The following ARHGAP6 variants were observed in gnomAD, a reference collection of about 807,000 sequenced individuals.
ARHGAP6 encodes the protein Rho GTPase activating protein 6, also known as rho GTPase-activating protein 6.
Under a neutral mutation model 55.7 loss-of-function variants are expected in ARHGAP6, and 16 were observed. The observed-to-expected ratio is 0.29, with a 90% CI of 0.19 to 0.44. ARHGAP6 has a LOEUF of 0.44. Among genes scored for constraint, ARHGAP6 ranks in the 20% least tolerant of loss-of-function variants. The pLI is 1.00. For synonymous variants in ARHGAP6, 382 were observed against 360.9 expected (o/e 1.06, Z -0.66); for missense variants, 698 against 808.9 (o/e 0.86, Z 1.66).
chrX:11,275,160 T>C (rs1263332492), intron 1 of ARHGAP6, among the ~76,000 whole-genome samples: 1 of 111,960 alleles, frequency 8.9e-6, no homozygotes, highest in East Asian at 2.8e-4. Flanking sequence ...TTTAACTATC[T>C]CTACATCTAT....
Position 11,288,917 on chromosome X carries a change from C to T in ARHGAP6, c.589-34210G>A, listed in dbSNP as rs962516363. ...ACTGAACCTCAGCAGGAAAGTTGAA[C>T]TTACTTTGGTATATTTTACCCAATA... is the stretch of plus-strand genomic sequence containing the variant. On this transcript the variant is annotated intron_variant, in intron 1 of 12. Coordinates refer to ENST00000337414, the MANE Select transcript of ARHGAP6 (RefSeq NM_013427.3). Among the ~76,000 whole-genome samples the T allele has an allele frequency of 4.5e-5, 5 of 112,237 alleles. 1 individual carries two copies. Among genetic ancestry groups the T allele is most frequent in the Non-Finnish European group, 9.4e-5 (5 of 53,255 alleles).
intron 2 of ARHGAP6, among the ~76,000 whole-genome samples, chrX:11,201,989 C>CTGTGTGTGTGTGTGTGTGTGTGTGTG (rs56023548): frequency 4.6e-5 from 3 of 65,543 alleles, no homozygotes; most frequent in African/African-American, 1.8e-4. Context: ...GCATCTGGAT[C>CTGTGTGTGTGTGTGTGTGTGTGTGTG]TGTGTGTGTG....
chrX:11,288,384 C>T (rs1015291663), intron 1 of ARHGAP6, among the ~76,000 whole-genome samples: 1 of 112,362 alleles, frequency 8.9e-6, no homozygotes, highest in African/African-American at 3.2e-5. Flanking sequence ...CACTATTGTT[C>T]TGTACCATTA....
intron 1 of ARHGAP6, among the ~76,000 whole-genome samples, chrX:11,359,077 T>C (rs972844161): frequency 8.9e-6 from 1 of 112,138 alleles, no homozygotes; most frequent in African/African-American, 3.2e-5. Context: ...AATAACTCTT[T>C]GTTATAATAT....
Position 11,174,645 on chromosome X carries a change from T to G in ARHGAP6, c.1629+3455A>C, listed in dbSNP as rs938454847. On this transcript the variant is annotated intron_variant, in intron 8 of 12. Coordinates refer to ENST00000337414, the MANE Select transcript of ARHGAP6 (RefSeq NM_013427.3). ...TTCTTTTCTTTCTTTCTTTCTTTCT[T>G]TCTTTCTTTCTTTCTTTCTTTCTTT... is the stretch of plus-strand genomic sequence containing the variant. 7.8e-4 allele frequency among the ~76,000 whole-genome samples: 65 copies of G among 83,667 alleles called. 1 individual carries two copies. Among genetic ancestry groups the G allele is most frequent in the African/African-American group, 3.0e-3 (61 of 20,432 alleles). 72.7% of individuals were successfully genotyped at this position (83,667 alleles called of 115,157 possible).
chrX:11,590,854 A>G (rs2051809093), intron 1 of ARHGAP6, among the ~76,000 whole-genome samples: 3 of 33,002 alleles, frequency 9.1e-5, no homozygotes, highest in African/African-American at 6.3e-4. Context: ...AAGAAAAGAA[A>G]AGAAAAGAAA....
At chrX:11,185,589 C>T (rs2046376944) in intron 5 of ARHGAP6, among the ~76,000 whole-genome samples, 2 of 111,904 alleles carry the variant, frequency 1.8e-5, no homozygotes, top group Admixed American at 9.5e-5. Context: ...AACACTATAG[C>T]ATACAAACTT....
intron 1 of ARHGAP6, among the ~76,000 whole-genome samples, chrX:11,424,997 C>T (rs1460304370): frequency 8.9e-6 from 1 of 112,319 alleles, no homozygotes; most frequent in Non-Finnish European, 1.9e-5. Flanking sequence ...AACATTTTCA[C>T]TATCTAACTG....
chrX:11,604,219 G>A (rs2052008537), intron 1 of ARHGAP6, among the ~76,000 whole-genome samples: 1 of 111,646 alleles, frequency 9.0e-6, no homozygotes, highest in Admixed American at 9.5e-5. Flanking sequence ...CCACTCTAGT[G>A]CACTGGAAAA....
chrX:11,446,469 C>T (rs907648544), intron 1 of ARHGAP6, among the ~76,000 whole-genome samples: 2 of 111,811 alleles, frequency 1.8e-5, no homozygotes, highest in Non-Finnish European at 3.8e-5. Flanking sequence ...GCTTTTCACT[C>T]CTTCTTTTGA....
At chrX:11,406,688 T>C (rs1248642523) in intron 1 of ARHGAP6, among the ~76,000 whole-genome samples, 7 of 111,665 alleles carry the variant, frequency 6.3e-5, no homozygotes, top group African/African-American at 2.3e-4. Context: ...GTAGGGGGTA[T>C]TGAAATATAC....
chrX:11,430,048 A>C (rs1168640263), intron 1 of ARHGAP6, among the ~76,000 whole-genome samples: 1 of 111,503 alleles, frequency 9.0e-6, no homozygotes, highest in Non-Finnish European at 1.9e-5. Context: ...CCTGAAGCTA[A>C]AAATCCCTTT....
At chrX:11,632,783 G>A (rs1445430797) in intron 1 of ARHGAP6, among the ~76,000 whole-genome samples, 2 of 112,376 alleles carry the variant, frequency 1.8e-5, no homozygotes, top group African/African-American at 6.5e-5. Context: ...AAAACATGCT[G>A]TAATGGGCAC....
chrX:11,453,198 ATATATACATAATATATATATATGC>A (rs2050160056), intron 1 of ARHGAP6, among the ~76,000 whole-genome samples: 1 of 101,145 alleles, frequency 9.9e-6, no homozygotes, highest in East Asian at 2.9e-4. Flanking sequence ...CTCTCTCTAT[ATATATACATAATATATATATATGC>A]TATATATATA....
chrX:11,396,849 A>G (rs1405951483), intron 1 of ARHGAP6, among the ~76,000 whole-genome samples: 2 of 111,657 alleles, frequency 1.8e-5, no homozygotes, highest in Admixed American at 9.6e-5. Flanking sequence ...ACTTTCTAGT[A>G]TGAGCGCATA....
chrX:11,453,295 AAT>A (rs772378489), intron 1 of ARHGAP6, among the ~76,000 whole-genome samples: 52 of 97,616 alleles, frequency 5.3e-4, no homozygotes, highest in African/African-American at 1.7e-3. Context: ...ATATATACAT[AAT>A]ATATATATAT....
chrX:11,344,345 G>T (rs1418573588), intron 1 of ARHGAP6, among the ~76,000 whole-genome samples: 1 of 111,087 alleles, frequency 9.0e-6, no homozygotes, highest in Non-Finnish European at 1.9e-5. Context: ...TCCATTGGGG[G>T]TTCTCAACCT....
intron 1 of ARHGAP6, among the ~76,000 whole-genome samples, chrX:11,576,506 T>G (rs2051600633): frequency 8.9e-6 from 1 of 111,822 alleles, no homozygotes; most frequent in Admixed American, 9.6e-5. Context: ...TAATTGCATC[T>G]TTGTGACTTG....
intron 2 of ARHGAP6, among the ~76,000 whole-genome samples, chrX:11,203,325 A>G (rs1199024671): frequency 1.8e-5 from 2 of 112,143 alleles, no homozygotes; most frequent in African/African-American, 6.5e-5. Flanking sequence ...AGGATTTCAC[A>G]GGGTTGAATT....
Sources: allele counts gnomAD v4.1 joint callset (sites outside exome capture counted in the v4.1 genomes callset), GRCh38; gene constraint gnomAD v4.1.1; transcripts MANE v1.5; gene names NCBI Gene and HGNC (gene_info 2026-07-23, HGNC 2026-07-21).